IL17RD: variants seen among roughly 807,000 people sequenced by gnomAD.
IL17RD encodes the protein interleukin-17 receptor D.
Under a neutral mutation model 80.5 loss-of-function variants are expected in IL17RD, and 52 were observed. The ratio of observed to expected loss-of-function variants is 0.65; its 90% CI spans 0.52 to 0.81. The LOEUF is 0.81. IL17RD is among the 40% of genes least tolerant of loss of function. IL17RD has a pLI of 0.00. For synonymous variants in IL17RD, 416 were observed against 391.8 expected, an observed-to-expected ratio of 1.06 and a Z score of -0.73; for missense variants, 1,024 against 955.1, an observed-to-expected ratio of 1.07 and a Z score of -0.95.
rs1706853794 is a variant in IL17RD at position 57,102,428 on chromosome 3, A to AC, written c.979+50dup. 10 of 1,008,654 alleles carry AC rather than the reference A, an allele frequency of 9.9e-6. No individual in the cohort carries two copies. In the East Asian group the frequency reaches 1.7e-4, roughly 17 times the overall value. The allele number at this position is 1,008,654 out of a possible 1,614,324, so 62.5% of individuals were successfully genotyped here. ...CCCAGTCTCTCTTTCTCTTGGCAGC[A>AC]CCCCCTGGCCTGCCCCTTGTTGTGG... On this transcript the variant is annotated intron_variant, in intron 10 of 12. Transcript: ENST00000296318.
chr3:57,114,671 A>T (rs1289408443), intron 3 of IL17RD, 21 bp downstream of exon 3: 2 of 1,588,082 alleles, frequency 1.3e-6, no homozygotes, highest in Non-Finnish European at 1.7e-6. Flanking sequence ...ATCACCATGC[A>T]CTCGATTTTT....
At chr3:57,156,776 A>C (rs2060270008) in intron 1 of IL17RD, among the ~76,000 whole-genome samples, 2 of 151,358 alleles carry the variant, frequency 1.3e-5, no homozygotes, top group African/African-American at 4.9e-5. Flanking sequence ...CAACCTTACC[A>C]TCCCCCGACC....
intron 2 of IL17RD, among the ~76,000 whole-genome samples, chr3:57,118,167 C>T (rs1707258400): frequency 1.3e-5 from 2 of 152,176 alleles, no homozygotes; most frequent in South Asian, 2.1e-4. Context: ...AAAGAAAGAT[C>T]CCTTCCACGT....
At chr3:57,120,789 T>G (rs1559474330) in intron 1 of IL17RD, among the ~76,000 whole-genome samples, 1 of 152,208 alleles carries the variant, frequency 6.6e-6, no homozygotes, top group East Asian at 1.9e-4. Flanking sequence ...AGACTGGGAA[T>G]GAGTATGGGA....
In IL17RD at chr3:57,096,461, C is replaced by T; in HGVS notation, c.2152G>A (p.Gly718Arg). The T allele has an allele frequency of 1.9e-6, 3 of 1,613,940 alleles. No homozygotes were observed. Among genetic ancestry groups the T allele is most frequent in the Non-Finnish European group, 2.5e-6 (3 of 1,179,826 alleles). ...CAACCAAGATCTGCTTTGCATGACC[C>T]AGAAGAGAGGAGCTTGGAAGGAAGG... ...PALPSKLLSS[G>R]SCKADLGCRS... Residue 718 changes from glycine (G) to arginine (R), a missense_variant, in exon 13 of 13, where the codon GGG becomes AGG. Transcript: ENST00000296318.
chr3:57,115,246 C>A (rs1404401554), intron 2 of IL17RD, among the ~76,000 whole-genome samples: 1 of 152,074 alleles, frequency 6.6e-6, no homozygotes, highest in Non-Finnish European at 1.5e-5. Context: ...ACCTAGAGGG[C>A]CAGGTGATTG....
chr3:57,115,874 G>A (rs1707204560), intron 2 of IL17RD, among the ~76,000 whole-genome samples: 1 of 152,020 alleles, frequency 6.6e-6, no homozygotes, highest in Non-Finnish European at 1.5e-5. Context: ...GCATTCCAGG[G>A]GACTTTGTAA....
chr3:57,142,174 C>A (rs1707841188), intron 1 of IL17RD, among the ~76,000 whole-genome samples: 1 of 152,204 alleles, frequency 6.6e-6, no homozygotes. Flanking sequence ...TAAAGGTTTT[C>A]AAATCAGTGC....
intron 1 of IL17RD, among the ~76,000 whole-genome samples, chr3:57,122,949 T>C (rs1229099295): frequency 1.3e-5 from 2 of 151,940 alleles, no homozygotes; most frequent in Non-Finnish European, 2.9e-5. Flanking sequence ...AGTTCCCTTA[T>C]ATTTGTTTGT....
rs757230986 is a variant in IL17RD, at chr3:57,105,964, T to C, written c.640A>G (p.Met214Val). The C allele has an allele frequency of 4.3e-6, 7 of 1,613,934 alleles. No homozygotes were observed. In the Admixed American group the frequency reaches 1.0e-4, roughly 23 times the overall value. Residue 214 changes from methionine (M) to valine (V), a missense_variant, in exon 7 of 13, where the codon ATG (methionine) becomes GTG (valine). Met to Val is a conservative substitution (Grantham distance 21). Transcript: ENST00000296318. ...GGTGCATGGTCGAAGGACACCTGCA[T>C]GTCCGAGCCATGCTGGCTGATGTTC... The part of the protein sequence containing the change: ...NLNISQHGSD[M>V]QVSFDHAPHN...
chr3:57,102,211 A>C (rs1706846955), intron 10 of IL17RD, among the ~76,000 whole-genome samples: 1 of 152,228 alleles, frequency 6.6e-6, no homozygotes, highest in South Asian at 2.1e-4. Flanking sequence ...TCGAGCCTGC[A>C]GTGAGCTATG....
rs1050109747 is a variant in IL17RD at position 57,134,699 on chromosome 3, T to G, written c.127-14386A>C. 19 of 704,642 alleles carry G rather than the reference T, an allele frequency of 2.7e-5. No individual in the cohort carries two copies. In the African/African-American group the frequency reaches 3.2e-4, roughly 12 times the overall value. 43.6% of individuals were successfully genotyped at this position (704,642 alleles called of 1,614,324 possible). ...AGGAGGAGATCATCAAGACTTTGTC[T>G]AAGGAGGAAGAGACCGAGAAGTGAA... On this transcript the variant is annotated intron_variant, in intron 1 of 12. Coordinates refer to ENST00000296318, the MANE Select transcript of IL17RD (RefSeq NM_017563.5).
chr3:57,098,073 C>A lies in IL17RD; in HGVS notation c.1630G>T (p.Val544Phe). The change falls in exon 12 of 13, where the codon GTC becomes TTC. Residue 544 changes from valine to phenylalanine, a missense_variant. Transcript: ENST00000296318. The stretch of plus-strand genomic sequence containing the variant: ...AACTGGTGCATGTTGCAAATGGCGA[C>A]GTATAGGGACCGGCCTGACTTGCTC... ...FRSKSGRSLYVAICNMHQFID... is the reference protein window; with the variant it reads ...FRSKSGRSLYFAICNMHQFID... The A allele has an allele frequency of 1.2e-6, 2 of 1,613,978 alleles. No individual in the cohort carries two copies. Among genetic ancestry groups the A allele is most frequent in the Non-Finnish European group, 1.7e-6 (2 of 1,179,890 alleles).
chr3:57,104,409 T>C lies in IL17RD; in HGVS notation c.748-2A>G, dbSNP rs1187469399. ...GCTGGTCGTCTCTGTAGTTTGCTCC[T>C]GCAACAGACCAAAGAACACTTTAAA... On this transcript the variant is annotated splice_acceptor_variant, in intron 7 of 12. Coordinates refer to ENST00000296318, the MANE Select transcript of IL17RD (RefSeq NM_017563.5). LOFTEE classifies it high-confidence loss of function. The C allele has an allele frequency of 1.2e-6, 2 of 1,600,782 alleles. No homozygotes were observed. Among genetic ancestry groups the C allele is most frequent in the South Asian group, 2.2e-5 (2 of 89,632 alleles).
chr3:57,125,210 T>C (rs903018934), intron 1 of IL17RD, among the ~76,000 whole-genome samples: 1 of 151,888 alleles, frequency 6.6e-6, no homozygotes, highest in Non-Finnish European at 1.5e-5. Flanking sequence ...AGTTTGAGAG[T>C]AGCCTGGCCA....
In IL17RD at chr3:57,117,358, C is replaced by T. The variant is rs181640857; in HGVS notation, c.185-2541G>A. On this transcript the variant is annotated intron_variant, in intron 2 of 12. Coordinates refer to ENST00000296318, the MANE Select transcript of IL17RD (RefSeq NM_017563.5). Reference sequence around the variant, plus strand: ...CGAACTCCTGACCTCAGGTGATCCACCCGCTTTGGCCTCCCAAAGTGCTGG... The same window carrying T: ...CGAACTCCTGACCTCAGGTGATCCATCCGCTTTGGCCTCCCAAAGTGCTGG... Among the ~76,000 whole-genome samples, 778 of 152,294 alleles carry T rather than the reference C, an allele frequency of 5.1e-3. 4 individuals are homozygous for T. The highest frequency in any genetic ancestry group is 8.2e-3 in the Non-Finnish European group (557 of 68,014).
intron 1 of IL17RD, chr3:57,134,622 A>T: frequency 1.2e-6 from 1 of 868,660 alleles, no homozygotes; most frequent in African/African-American, 1.6e-5. Context: ...TAAGGCCCGC[A>T]GGTCTAAGAC....
chr3:57,105,314 G>C (rs192022036), intron 7 of IL17RD, among the ~76,000 whole-genome samples: 130 of 152,016 alleles, frequency 8.6e-4, no homozygotes, highest in African/African-American at 3.1e-3. Flanking sequence ...AAGGTGGGTA[G>C]ATCACTTGAG....
In IL17RD at chr3:57,154,283, T is replaced by TATACACATATACACACAC. The variant is rs904157398; in HGVS notation, c.126+10877_126+10878insGTGTGTGTATATGTGTAT. 1.4e-3 allele frequency among the ~76,000 whole-genome samples: 161 copies of TATACACATATACACACAC among 112,908 alleles called. 1 individual carries two copies. Among genetic ancestry groups the TATACACATATACACACAC allele is most frequent in the Admixed American group, 5.7e-3 (51 of 8,964 alleles). The allele number at this position is 112,908 out of a possible 152,430, so 74.1% of individuals were successfully genotyped here. A position where few individuals can be genotyped will look rare whatever the true frequency, so the allele number is the denominator to read the frequency against. On this transcript the variant is annotated intron_variant, in intron 1 of 12. Coordinates refer to ENST00000296318, the MANE Select transcript of IL17RD (RefSeq NM_017563.5). ...AATTATATATATATATATATATATA[T>TATACACATATACACACAC]ACACACACACACACACACATACATA...
Sources: gnomAD v4.1 joint callset for allele counts (sites outside exome capture counted in the v4.1 genomes callset) on GRCh38, gnomAD v4.1.1 for gene constraint, MANE v1.5 for transcripts, NCBI Gene and HGNC (gene_info 2026-07-23, HGNC 2026-07-21) for gene names.